CLTC: variants seen among roughly 807,000 people sequenced by gnomAD.
CLTC encodes clathrin heavy chain 1.
Under a neutral mutation model 195.8 loss-of-function variants are expected in CLTC, and 16 were observed. The ratio of observed to expected loss-of-function variants is 0.08; its 90% CI spans 0.06 to 0.12. The LOEUF (loss-of-function observed/expected upper bound fraction) is 0.12, where lower values mean the gene tolerates loss of function less well. Ranked by LOEUF, CLTC falls within the 10% of genes least tolerant of loss-of-function variation. CLTC has a pLI of 1.00. For synonymous variants in CLTC, 667 were observed against 689.4 expected, an observed-to-expected ratio of 0.97 and a Z score of 0.51; for missense variants, 796 against 2,027.0, an observed-to-expected ratio of 0.39 and a Z score of 11.66.
At chr17:59,644,623 T>C (rs2143498173) in intron 2 of CLTC, 140 bp downstream of exon 2, 1 of 690,792 alleles carries the variant, frequency 1.4e-6, no homozygotes, top group East Asian at 2.7e-5. Flanking sequence ...CGATCTTGGC[T>C]CACTGCAATC....
Position 59,685,010 on chromosome 17 carries a change from TAAAC to T in CLTC, c.4435-42_4435-39del, listed in dbSNP as rs768310106. On this transcript the variant is annotated intron_variant, in intron 28 of 31. Transcript: ENST00000269122. This position sits in a 1 kb window ranked among gnomAD's most constrained non-coding sequence, Gnocchi z 5.0. ...ATTGATTGAGAACGGAATATAATGT[TAAAC>T]AAAATACTGATCTGGCATTTGGATG... 6 of 1,445,880 alleles carry T rather than the reference TAAAC, an allele frequency of 4.1e-6. No homozygotes were observed. The highest frequency in any genetic ancestry group is 1.5e-5 in the South Asian group (1 of 67,328). The allele number at this position is 1,445,880 out of a possible 1,614,324, so 89.6% of individuals were successfully genotyped here.
chr17:59,640,874 A>C (rs892516483), intron 1 of CLTC, among the ~76,000 whole-genome samples: 11 of 151,966 alleles, frequency 7.2e-5, no homozygotes, highest in Admixed American at 1.3e-4. Flanking sequence ...TATTCCCAGC[A>C]CTTTGGGAGG....
rs770620600 is a variant in CLTC, at chr17:59,690,735, A to G, written c.4903+24A>G. On this transcript the variant is annotated intron_variant, in intron 31 of 31. Coordinates refer to ENST00000269122, the MANE Select transcript of CLTC (RefSeq NM_004859.4). ...TGGTAATCTCTCTCTGTAACCTCAA[A>G]AAATTCATTAGACAAATATTTAATT... 150 of 1,534,918 alleles carry G rather than the reference A, an allele frequency of 9.8e-5. 1 individual carries two copies. Among genetic ancestry groups the G allele is most frequent in the Middle Eastern group, 6.9e-4 (4 of 5,832 alleles).
intron 1 of CLTC, among the ~76,000 whole-genome samples, chr17:59,624,454 CT>C (rs5821272): frequency 0.53 from 52,065 of 98,230 alleles, 12,340 homozygotes; most frequent in Non-Finnish European, 0.62. Context: ...GAGCCACATA[CT>C]TTTTTTTTTT....
At position 59,681,968 on chromosome 17, in the gene CLTC, A is replaced by G; in HGVS notation, c.3442+129A>G. ...TTCTTTTAGTGCTCCATCTTAGTCCAGATAAAAAGAGGCTGTATTTTGTGA... is the reference window on the plus strand; with the variant it reads ...TTCTTTTAGTGCTCCATCTTAGTCCGGATAAAAAGAGGCTGTATTTTGTGA... On this transcript the variant is annotated intron_variant, in intron 21 of 31. Coordinates refer to ENST00000269122, the MANE Select transcript of CLTC (RefSeq NM_004859.4). The surrounding 1 kb of genome is among the most constrained non-coding windows in gnomAD (Gnocchi z 5.0). 1.2e-6 allele frequency: 1 copy of G among 815,998 alleles called. No homozygotes were observed. The highest frequency in any genetic ancestry group is 1.9e-6 in the Non-Finnish European group (1 of 539,834). 50.5% of individuals were successfully genotyped at this position (815,998 alleles called of 1,614,324 possible).
Position 59,684,210 on chromosome 17 carries a change from T to C in CLTC, c.4434+225T>C, listed in dbSNP as rs1025724090. 7 of 460,172 alleles carry C rather than the reference T, an allele frequency of 1.5e-5. 1 individual carries two copies. The East Asian group carries it at 2.2e-4, about 14-fold the overall frequency. The allele number at this position is 460,172 out of a possible 1,614,324, so 28.5% of individuals were successfully genotyped here. A position where few individuals can be genotyped will look rare whatever the true frequency, so the allele number is the denominator to read the frequency against. On this transcript the variant is annotated intron_variant, in intron 28 of 31. Transcript: ENST00000269122. ...GATACTGCTTTTGAAAAAAATGATA[T>C]GATTACTTTATCTCTAACATCTAGA...
At chr17:59,644,124 G>A (rs1281639014) in intron 1 of CLTC, 152 bp from the exon 2 acceptor site, 1 of 627,274 alleles carries the variant, frequency 1.6e-6, no homozygotes, top group Admixed American at 3.0e-5. Context: ...CCAATACTTG[G>A]CTATTAATAG....
chr17:59,669,956 G>C (rs988776203), intron 14 of CLTC, among the ~76,000 whole-genome samples: 1 of 152,038 alleles, frequency 6.6e-6, no homozygotes, highest in Non-Finnish European at 1.5e-5. Flanking sequence ...AAACCCTTAG[G>C]GGTTTTAGTG....
rs1425889291 is a variant in CLTC at position 59,683,996 on chromosome 17, T to C, written c.4434+11T>C. ...GAAGAAGATTATCAGGTAAAACCTT[T>C]TGATTCTTGCACATAATCTCAAGAC... On this transcript the variant is annotated intron_variant, in intron 28 of 31. Transcript: ENST00000269122. The surrounding 1 kb of genome is among the most constrained non-coding windows in gnomAD (Gnocchi z 6.1). 5 of 1,475,574 alleles carry C rather than the reference T, an allele frequency of 3.4e-6. No individual in the cohort carries two copies. The African/African-American group carries it at 4.2e-5, about 12-fold the overall frequency. 91.4% of individuals were successfully genotyped at this position (1,475,574 alleles called of 1,614,324 possible).
chr17:59,662,407 C>G (rs2032630735), intron 8 of CLTC, among the ~76,000 whole-genome samples: 4 of 151,956 alleles, frequency 2.6e-5, no homozygotes, highest in Admixed American at 2.6e-4. Context: ...GAGAAACAGC[C>G]AAAGGATGTT....
chr17:59,685,376 G>C lies in CLTC; in HGVS notation c.4605+150G>C. 1 of 895,524 alleles carries C rather than the reference G, an allele frequency of 1.1e-6. No individual in the cohort carries two copies. Among genetic ancestry groups the C allele is most frequent in the Non-Finnish European group, 1.6e-6 (1 of 616,630 alleles). 55.5% of individuals were successfully genotyped at this position (895,524 alleles called of 1,614,324 possible). On this transcript the variant is annotated intron_variant, in intron 29 of 31. Transcript: ENST00000269122. This position sits in a 1 kb window ranked among gnomAD's most constrained non-coding sequence, Gnocchi z 5.0. ...GTTAATGGATTTCTTGATTCTAGGG[G>C]CTCTCTTATGTTAAGGTCAAACTTG...
In CLTC at chr17:59,693,768, C is replaced by T. The variant is rs148633723; in HGVS notation, c.4944C>T (p.Ala1648=). The change falls in exon 32 of 32, where the codon GCC becomes GCT. Residue 1648 remains alanine (A), a synonymous_variant. Coordinates refer to ENST00000269122, the MANE Select transcript of CLTC (RefSeq NM_004859.4). ...QLMLTAGPSV[A]VPPQAPFGYG... ...TGCTGACAGCAGGACCCAGTGTTGC[C>T]GTCCCTCCCCAGGCACCTTTTGGTT... The T allele has an allele frequency of 9.2e-5, 148 of 1,613,642 alleles. No homozygotes were observed. Among genetic ancestry groups the T allele is most frequent in the South Asian group, 3.7e-4 (34 of 91,058 alleles).
rs770099635 is a variant in CLTC, at chr17:59,644,543, T to TG, written c.250+60_250+61insG. The TG allele has an allele frequency of 1.4e-3, 1,910 of 1,332,760 alleles. 26 individuals carry two copies. The African/African-American group carries it at 0.03, about 21-fold the overall frequency. The allele number at this position is 1,332,760 out of a possible 1,614,324, so 82.6% of individuals were successfully genotyped here. A position where few individuals can be genotyped will look rare whatever the true frequency, so the allele number is the denominator to read the frequency against. ...CCTATGTTTTTGTTTTTTTTTGTTT[T>TG]TTTTTTGTTTGTTTGTTTGTTTTTG... On this transcript the variant is annotated intron_variant, in intron 2 of 31. Transcript: ENST00000269122.
intron 13 of CLTC, 137 bp from the exon 14 acceptor site, chr17:59,668,637 TTAG>T: frequency 1.7e-6 from 1 of 603,912 alleles, no homozygotes; most frequent in Non-Finnish European, 2.8e-6. Flanking sequence ...AATGGAATAG[TTAG>T]TATTTTTATC....
At chr17:59,693,435 G>A (rs920918600) in intron 31 of CLTC, among the ~76,000 whole-genome samples, 1 of 150,468 alleles carries the variant, frequency 6.6e-6, no homozygotes, top group South Asian at 2.1e-4. Context: ...GTCATGAAGT[G>A]TAATATGCAT....
rs756788783 is a variant in CLTC, at chr17:59,681,322, T to C, written c.3093T>C (p.Thr1031=). 1.2e-5 allele frequency: 20 copies of C among 1,613,458 alleles called. No individual in the cohort carries two copies. The South Asian group carries it at 2.1e-4, about 17-fold the overall frequency. ...HRNLQNLLIL[T]AIKADRTRVM... ...ATCTGCAAAACCTCCTTATCCTCACTGCAATTAAGGCTGACCGTACACGTG... is the reference window on the plus strand; with the variant it reads ...ATCTGCAAAACCTCCTTATCCTCACCGCAATTAAGGCTGACCGTACACGTG... The change falls in exon 20 of 32, where the codon ACT becomes ACC. Residue 1031 remains threonine, a synonymous_variant. Coordinates refer to ENST00000269122, the MANE Select transcript of CLTC (RefSeq NM_004859.4). The surrounding 1 kb of genome is among the most constrained non-coding windows in gnomAD (Gnocchi z 5.0).
chr17:59,648,137 C>CTAA lies in CLTC; in HGVS notation c.520-103_520-102insTAA. On this transcript the variant is annotated intron_variant, in intron 3 of 31. Transcript: ENST00000269122. This position sits in a 1 kb window ranked among gnomAD's most constrained non-coding sequence, Gnocchi z 4.5. ...GATGAAGTGACAAATAATTATAAATCCTGCTAAAGATGACAAAGCATTCTA... is the reference window on the plus strand; with the variant it reads ...GATGAAGTGACAAATAATTATAAATCTAACTGCTAAAGATGACAAAGCATTCTA... The CTAA allele has an allele frequency of 9.2e-7, 1 of 1,086,622 alleles. No homozygotes were observed. Among genetic ancestry groups the CTAA allele is most frequent in the South Asian group, 1.9e-5 (1 of 54,026 alleles). 67.3% of individuals were successfully genotyped at this position (1,086,622 alleles called of 1,614,324 possible).
At chr17:59,639,946 C>G (rs988756615) in intron 1 of CLTC, among the ~76,000 whole-genome samples, 1 of 151,962 alleles carries the variant, frequency 6.6e-6, no homozygotes, top group South Asian at 2.1e-4. Context: ...AGGGCAAGAC[C>G]CTGTCTCAAT....
In CLTC at chr17:59,681,168, C is replaced by T. The variant is rs1280949747; in HGVS notation, c.3065+111C>T. The T allele has an allele frequency of 1.2e-5, 17 of 1,455,698 alleles. No homozygotes were observed. In the East Asian group the frequency reaches 2.1e-4, roughly 18 times the overall value. 90.2% of individuals were successfully genotyped at this position (1,455,698 alleles called of 1,614,324 possible). ...TCAGAGAAAGTTGCCTGAATTCTCACTCTTCTAATATCCTCCCCCCTACCC... is the reference window on the plus strand; with the variant it reads ...TCAGAGAAAGTTGCCTGAATTCTCATTCTTCTAATATCCTCCCCCCTACCC... On this transcript the variant is annotated intron_variant, in intron 19 of 31. Coordinates refer to ENST00000269122, the MANE Select transcript of CLTC (RefSeq NM_004859.4). This position sits in a 1 kb window ranked among gnomAD's most constrained non-coding sequence, Gnocchi z 5.0.
Sources: allele counts gnomAD v4.1 joint callset (sites outside exome capture counted in the v4.1 genomes callset), GRCh38; gene constraint gnomAD v4.1.1; non-coding constraint Gnocchi (gnomAD v3.1); transcripts MANE v1.5; gene names NCBI Gene and HGNC (gene_info 2026-07-23, HGNC 2026-07-21).